The following SENP7 variants were observed in gnomAD, a reference collection of about 807,000 sequenced individuals.
SENP7 encodes sentrin-specific protease 7.
SENP7 carries 64 observed loss-of-function variants against 141.2 expected under a neutral mutation model. That is an observed-to-expected ratio of 0.45 (90% confidence interval 0.37 to 0.56). The LOEUF (loss-of-function observed/expected upper bound fraction) is 0.56, where lower values mean the gene tolerates loss of function less well. Among genes scored for constraint, SENP7 ranks in the 20% least tolerant of loss-of-function variants. The pLI, the probability that SENP7 is intolerant of heterozygous loss-of-function variation, is 0.00. For synonymous variants in SENP7, 382 were observed against 426.4 expected, an observed-to-expected ratio of 0.90 and a Z score of 1.28; for missense variants, 1,025 against 1,212.2, an observed-to-expected ratio of 0.85 and a Z score of 2.29.
At chr3:101,414,367 C>G in intron 5 of SENP7, 2 of 825,908 alleles carry the variant, frequency 2.4e-6, no homozygotes, top group Non-Finnish European at 4.3e-6. Flanking sequence ...GCAGCAGGTG[C>G]ACCAGTGCAT....
intron 5 of SENP7, among the ~76,000 whole-genome samples, chr3:101,406,798 A>T (rs2107611974): frequency 6.6e-6 from 1 of 152,306 alleles, no homozygotes; most frequent in African/African-American, 2.4e-5. Flanking sequence ...TATGAAGGAA[A>T]GAATCTTAAG....
At chr3:101,413,773 G>C (rs2061522045) in intron 5 of SENP7, among the ~76,000 whole-genome samples, 1 of 151,242 alleles carries the variant, frequency 6.6e-6, no homozygotes, top group Non-Finnish European at 1.5e-5. Flanking sequence ...AAACAAACAG[G>C]ATGTATACAA....
chr3:101,513,026 C>T, intron 1 of SENP7, 65 bp downstream of exon 1: 4 of 1,489,240 alleles, frequency 2.7e-6, no homozygotes, highest in Non-Finnish European at 3.7e-6. Flanking sequence ...CCAGCTGCCG[C>T]CTGCGCCTCC....
At chr3:101,337,781 G>T in intron 16 of SENP7, 150 bp from the exon 17 acceptor site, 1 of 610,556 alleles carries the variant, frequency 1.6e-6, no homozygotes, top group East Asian at 3.3e-5. Context: ...CTTTCAGTTT[G>T]GTTAGTTACC....
intron 2 of SENP7, among the ~76,000 whole-genome samples, chr3:101,499,535 A>ATTT (rs55855998): frequency 1.7e-4 from 23 of 138,740 alleles, no homozygotes; most frequent in Middle Eastern, 3.8e-3. Context: ...TGCCCAGCTA[A>ATTT]TTTTTTTTTT....
At chr3:101,512,311 T>C (rs1029987365) in intron 1 of SENP7, among the ~76,000 whole-genome samples, 2 of 152,224 alleles carry the variant, frequency 1.3e-5, no homozygotes, top group Non-Finnish European at 1.5e-5. Context: ...ATGGATGAAA[T>C]GTTTGATAAA....
intron 2 of SENP7, among the ~76,000 whole-genome samples, chr3:101,497,365 A>G (rs1368045180): frequency 6.6e-6 from 1 of 152,222 alleles, no homozygotes; most frequent in African/African-American, 2.4e-5. Flanking sequence ...AAGTATACCT[A>G]GCACACAGAC....
chr3:101,388,678 A>T (rs1312233439), intron 6 of SENP7, among the ~76,000 whole-genome samples: 1 of 152,198 alleles, frequency 6.6e-6, no homozygotes, highest in African/African-American at 2.4e-5. Flanking sequence ...CTGAAAAAGA[A>T]TTCAAAATAA....
intron 17 of SENP7, among the ~76,000 whole-genome samples, chr3:101,335,108 G>T (rs1034241349): frequency 6.6e-6 from 1 of 152,150 alleles, no homozygotes; most frequent in Admixed American, 6.5e-5. Context: ...TACAGATCAC[G>T]CTGTGAAACA....
At chr3:101,357,886 C>T (rs1437254402) in intron 11 of SENP7, 3 of 565,258 alleles carry the variant, frequency 5.3e-6, no homozygotes, top group Admixed American at 5.0e-5. Flanking sequence ...CTGCCTCTAA[C>T]CTTACTACAC....
At chr3:101,473,464 T>C (rs1315124433) in intron 3 of SENP7, among the ~76,000 whole-genome samples, 1 of 152,212 alleles carries the variant, frequency 6.6e-6, no homozygotes, top group Non-Finnish European at 1.5e-5. Context: ...GTGGTTTTGA[T>C]TTGCATTTCT....
At chr3:101,450,621 C>T (rs1428796983) in intron 4 of SENP7, among the ~76,000 whole-genome samples, 1 of 152,106 alleles carries the variant, frequency 6.6e-6, no homozygotes, top group East Asian at 1.9e-4. Context: ...CTACTGGGTA[C>T]ATAACAAAAT....
intron 8 of SENP7, among the ~76,000 whole-genome samples, chr3:101,367,137 T>C (rs1359698259): frequency 6.6e-6 from 1 of 152,102 alleles, no homozygotes; most frequent in Non-Finnish European, 1.5e-5. Flanking sequence ...ACTACTTTGG[T>C]AAAAAAATTT....
chr3:101,345,078 C>G (rs970667963), intron 13 of SENP7, among the ~76,000 whole-genome samples: 2 of 148,092 alleles, frequency 1.4e-5, no homozygotes, highest in African/African-American at 4.9e-5. Context: ...GTCTATTTGC[C>G]TATTTTTATA....
intron 4 of SENP7, among the ~76,000 whole-genome samples, chr3:101,426,674 G>A (rs904142538): frequency 1.1e-4 from 16 of 151,766 alleles, no homozygotes; most frequent in African/African-American, 3.4e-4. Context: ...AGGGACGGGG[G>A]TTTCATCATG....
chr3:101,484,870 A>G (rs2064660453), intron 3 of SENP7, among the ~76,000 whole-genome samples: 1 of 152,100 alleles, frequency 6.6e-6, no homozygotes, highest in South Asian at 2.1e-4. Context: ...CGGGGTGAGA[A>G]GCCCATTCAC....
At chr3:101,413,360 G>A (rs1487768997) in intron 5 of SENP7, among the ~76,000 whole-genome samples, 1 of 152,044 alleles carries the variant, frequency 6.6e-6, no homozygotes, top group Non-Finnish European at 1.5e-5. Context: ...CTTATTTGAC[G>A]CTTGTAATAT....
intron 5 of SENP7, among the ~76,000 whole-genome samples, chr3:101,401,033 G>C (rs908635021): frequency 6.6e-6 from 1 of 151,712 alleles, no homozygotes; most frequent in African/African-American, 2.4e-5. Context: ...AGGAGTTCAA[G>C]GCTGCAGAGA....
rs77908117 is a variant in SENP7, at chr3:101,395,228, A to G, written c.677+3633T>C. On this transcript the variant is annotated intron_variant, in intron 6 of 23. Coordinates refer to ENST00000394095, the MANE Select transcript of SENP7 (RefSeq NM_020654.5). ...AGTCAAAAAATCTTTGCCTAGACCA[A>G]TGTCCACAAGCATGTCCCCTATGTT... is the stretch of plus-strand genomic sequence containing the variant. Among the ~76,000 whole-genome samples, 739 of 152,332 alleles carry G rather than the reference A, an allele frequency of 4.9e-3. 2 individuals are homozygous for G. The highest frequency in any genetic ancestry group is 0.017 in the African/African-American group (695 of 41,576).
Sources: allele counts gnomAD v4.1 joint callset (sites outside exome capture counted in the v4.1 genomes callset), GRCh38; gene constraint gnomAD v4.1.1; transcripts MANE v1.5; gene names NCBI Gene and HGNC (gene_info 2026-07-23, HGNC 2026-07-21).